Variants in RBFOX1 observed in about 807,000 individuals in gnomAD.
RBFOX1 encodes the protein RNA binding protein fox-1 homolog 1.
A neutral mutation model predicts 57.7 loss-of-function variants in RBFOX1; 8 were observed. The observed-to-expected ratio is 0.14, with a 90% confidence interval of 0.08 to 0.25. The LOEUF is 0.25. Among genes scored for constraint, RBFOX1 ranks in the 10% least tolerant of loss-of-function variants. The pLI, the probability that RBFOX1 is intolerant of heterozygous loss-of-function variation, is 1.00. For missense variants in RBFOX1, 611 were observed against 548.5 expected, an observed-to-expected ratio of 1.11 and a Z score of -1.14; for synonymous variants, 326 against 222.4, an observed-to-expected ratio of 1.47 and a Z score of -4.15.
chr16:6,903,598 G>C lies in RBFOX1; in HGVS notation c.-15-148459G>C, dbSNP rs181294738. Among the ~76,000 whole-genome samples, 18 of 152,266 alleles carry C rather than the reference G, an allele frequency of 1.2e-4. 1 individual carries two copies. The highest frequency in any genetic ancestry group is 3.6e-4 in the African/African-American group (15 of 41,550). ...AATCACTTATCCCAGAAACTGGTGG[G>C]GAGGTTTCAGTCAACCTGTATAAAT... On this transcript the variant is annotated intron_variant, in intron 3 of 15. Coordinates refer to ENST00000550418, the MANE Select transcript of RBFOX1 (RefSeq NM_018723.4).
At chr16:5,244,962 C>T (rs921506407) in intron 1 of RBFOX1, among the ~76,000 whole-genome samples, 6 of 152,180 alleles carry the variant, frequency 3.9e-5, no homozygotes, top group Admixed American at 6.5e-5. Flanking sequence ...AACATTTAAC[C>T]GCAGGGCTGG....
intron 3 of RBFOX1, among the ~76,000 whole-genome samples, chr16:5,800,991 G>C (rs1399817812): frequency 1.3e-5 from 2 of 152,176 alleles, no homozygotes; most frequent in African/African-American, 4.8e-5. Flanking sequence ...TTAAGTGCAA[G>C]AGCAAGACAG....
chr16:5,673,542 T>C (rs1475455513), intron 3 of RBFOX1, among the ~76,000 whole-genome samples: 1 of 152,196 alleles, frequency 6.6e-6, no homozygotes, highest in Non-Finnish European at 1.5e-5. Flanking sequence ...TTGACGTCAG[T>C]GTCACTGAGG....
intron 1 of RBFOX1, among the ~76,000 whole-genome samples, chr16:6,308,918 C>T (rs1421414883): frequency 1.3e-5 from 2 of 152,066 alleles, no homozygotes; most frequent in Non-Finnish European, 2.9e-5. Context: ...CTCTACAGCA[C>T]ATTTTAAGTG....
At chr16:6,486,776 T>C (rs1209726612) in intron 2 of RBFOX1, among the ~76,000 whole-genome samples, 1 of 152,174 alleles carries the variant, frequency 6.6e-6, no homozygotes, top group Non-Finnish European at 1.5e-5. Context: ...CTTTTTGTTT[T>C]CTTTCATTTT....
At chr16:7,342,158 CT>C (rs948613367) in intron 4 of RBFOX1, among the ~76,000 whole-genome samples, 5 of 152,178 alleles carry the variant, frequency 3.3e-5, no homozygotes, top group Non-Finnish European at 7.3e-5. Context: ...CCATTACTCT[CT>C]CTGTGTTACT....
intron 4 of RBFOX1, among the ~76,000 whole-genome samples, chr16:7,217,869 C>T (rs540065001): frequency 5.9e-5 from 9 of 151,670 alleles, no homozygotes; most frequent in East Asian, 3.9e-4. Context: ...TGTGTGTACA[C>T]GCGTGTGTGC....
Position 7,202,961 on chromosome 16 carries a change from T to C in RBFOX1, c.27+150863T>C, listed in dbSNP as rs528497430. ...GAGTGCCAGGCTAATTTTGTTTTTATATTTTTAGTAGAGATGGGATTTCAC... is the reference window on the plus strand; with the variant it reads ...GAGTGCCAGGCTAATTTTGTTTTTACATTTTTAGTAGAGATGGGATTTCAC... On this transcript the variant is annotated intron_variant, in intron 4 of 15. Coordinates refer to ENST00000550418, the MANE Select transcript of RBFOX1 (RefSeq NM_018723.4). Among the ~76,000 whole-genome samples the C allele has an allele frequency of 7.9e-5, 12 of 152,272 alleles. No homozygotes were observed. In the East Asian group the frequency reaches 1.9e-3, roughly 25 times the overall value.
chr16:6,022,675 C>T (rs766756084), intron 1 of RBFOX1, among the ~76,000 whole-genome samples: 3 of 152,116 alleles, frequency 2.0e-5, no homozygotes, highest in Non-Finnish European at 4.4e-5. Context: ...CAGAATGAGA[C>T]CCTGCCTCAA....
At chr16:5,752,698 A>C (rs2053253168) in intron 3 of RBFOX1, among the ~76,000 whole-genome samples, 2 of 152,304 alleles carry the variant, frequency 1.3e-5, no homozygotes, top group South Asian at 4.2e-4. Context: ...CCCTCTTAGG[A>C]GGTGAGGGCG....
chr16:6,215,732 C>T (rs2097331759), intron 1 of RBFOX1, among the ~76,000 whole-genome samples: 1 of 152,114 alleles, frequency 6.6e-6, no homozygotes, highest in Non-Finnish European at 1.5e-5. Context: ...ACATCTCATT[C>T]CCTAGGTGCA....
chr16:7,409,820 C>T (rs1477882824), intron 4 of RBFOX1, among the ~76,000 whole-genome samples: 1 of 152,170 alleles, frequency 6.6e-6, no homozygotes, highest in East Asian at 1.9e-4. Flanking sequence ...TGAAATTTCT[C>T]TTTAGTCCCA....
chr16:6,834,411 G>A (rs1001164567), intron 3 of RBFOX1, among the ~76,000 whole-genome samples: 1 of 152,034 alleles, frequency 6.6e-6, no homozygotes, highest in Non-Finnish European at 1.5e-5. Flanking sequence ...GATCTCTTGG[G>A]CTATTGGGAG....
chr16:6,540,859 G>C (rs1420918663), intron 2 of RBFOX1, among the ~76,000 whole-genome samples: 2 of 151,928 alleles, frequency 1.3e-5, no homozygotes, highest in Non-Finnish European at 2.9e-5. Flanking sequence ...ATCTCAGATT[G>C]TATTCATCAT....
intron 4 of RBFOX1, among the ~76,000 whole-genome samples, chr16:7,408,369 T>G (rs2098381963): frequency 6.6e-6 from 1 of 152,220 alleles, no homozygotes; most frequent in Non-Finnish European, 1.5e-5. Context: ...TTAAAAAATG[T>G]TAGACTGTGT....
At chr16:7,259,739 C>T (rs555415902) in intron 4 of RBFOX1, among the ~76,000 whole-genome samples, 2 of 152,172 alleles carry the variant, frequency 1.3e-5, no homozygotes, top group African/African-American at 4.8e-5. Context: ...AGTAACAATG[C>T]CACATGCTTT....
At chr16:6,074,056 C>T (rs1405999374) in intron 1 of RBFOX1, among the ~76,000 whole-genome samples, 2 of 152,262 alleles carry the variant, frequency 1.3e-5, no homozygotes, top group East Asian at 3.9e-4. Context: ...CCCTGCCATT[C>T]TCCTGCCTCA....
intron 2 of RBFOX1, among the ~76,000 whole-genome samples, chr16:6,631,189 T>G (rs1345166711): frequency 6.6e-6 from 1 of 151,850 alleles, no homozygotes; most frequent in African/African-American, 2.4e-5. Flanking sequence ...CCTCGGAAAT[T>G]GTGAATCTGA....
intron 4 of RBFOX1, among the ~76,000 whole-genome samples, chr16:7,428,573 G>C (rs1414714060): frequency 6.7e-6 from 1 of 149,514 alleles, no homozygotes; most frequent in African/African-American, 2.5e-5. Flanking sequence ...GTTTTGCCAT[G>C]TTGGCCAGGC....
Sources: allele counts gnomAD v4.1 joint callset (sites outside exome capture counted in the v4.1 genomes callset), GRCh38; gene constraint gnomAD v4.1.1; transcripts MANE v1.5; gene names NCBI Gene and HGNC (gene_info 2026-07-23, HGNC 2026-07-21).